Variants in USPL1 observed in about 807,000 individuals in gnomAD.
USPL1 encodes SUMO-specific isopeptidase USPL1.
In USPL1, 27 loss-of-function variants were observed where a neutral mutation model predicts 51.5. The ratio of observed to expected loss-of-function variants is 0.52; its 90% CI spans 0.39 to 0.72. USPL1 has a LOEUF of 0.72. USPL1 is among the 30% of genes least tolerant of loss of function. The pLI is 0.00. For synonymous variants in USPL1, 451 were observed against 459.6 expected, an observed-to-expected ratio of 0.98 and a Z score of 0.24; for missense variants, 1,226 against 1,268.0, an observed-to-expected ratio of 0.97 and a Z score of 0.50.
At chr13:30,655,766 A>G (rs1951154858) in intron 8 of USPL1, among the ~76,000 whole-genome samples, 1 of 152,240 alleles carries the variant, frequency 6.6e-6, no homozygotes, top group African/African-American at 2.4e-5. Context: ...TATACTCCTT[A>G]GAAAAAAATA....
chr13:30,629,351 G>A (rs991434009), intron 3 of USPL1, among the ~76,000 whole-genome samples: 3 of 152,036 alleles, frequency 2.0e-5, no homozygotes, highest in South Asian at 2.1e-4. Context: ...AGAAAATACC[G>A]TGGCAGGCGC....
chr13:30,655,547 CTG>C (rs1276113554), intron 8 of USPL1, among the ~76,000 whole-genome samples: 1 of 152,148 alleles, frequency 6.6e-6, no homozygotes, highest in East Asian at 1.9e-4. Context: ...TAAAAAGTGA[CTG>C]TGGGAGATAT....
Position 30,621,910 on chromosome 13 carries a change from T to C in USPL1, c.228+18T>C, listed in dbSNP as rs745727093. The C allele has an allele frequency of 2.9e-6, 4 of 1,398,512 alleles. No homozygotes were observed. In the Admixed American group the frequency reaches 1.1e-4, roughly 39 times the overall value. The allele number at this position is 1,398,512 out of a possible 1,614,324, so 86.6% of individuals were successfully genotyped here. A position where few individuals can be genotyped will look rare whatever the true frequency, so the allele number is the denominator to read the frequency against. ...ATCTGCAGGTAAAGTATTAATCTTA[T>C]ATAGTATATATAAGATTTTTCTTTT... On this transcript the variant is annotated intron_variant, in intron 3 of 8. Coordinates refer to ENST00000255304, the MANE Select transcript of USPL1 (RefSeq NM_005800.5).
chr13:30,646,804 T>C (rs1951023187), intron 6 of USPL1, 128 bp from the exon 7 acceptor site: 1 of 1,019,736 alleles, frequency 9.8e-7, no homozygotes, highest in Non-Finnish European at 1.4e-6. Context: ...AACATTGCCA[T>C]ATTAACATGA....
At chr13:30,641,364 G>C (rs956151293) in intron 5 of USPL1, among the ~76,000 whole-genome samples, 1 of 152,014 alleles carries the variant, frequency 6.6e-6, no homozygotes, top group South Asian at 2.1e-4. Flanking sequence ...ATGGAAGTGA[G>C]GCTCTGTCCA....
chr13:30,621,027 G>A (rs2137598318), intron 1 of USPL1, 46 bp from the exon 2 acceptor site: 1 of 813,212 alleles, frequency 1.2e-6, no homozygotes, highest in Non-Finnish European at 1.9e-6. Flanking sequence ...CTTTTTTATA[G>A]TAAATAGAAT....
chr13:30,656,762 G>A (rs942490131), intron 8 of USPL1, among the ~76,000 whole-genome samples: 2 of 151,974 alleles, frequency 1.3e-5, no homozygotes, highest in African/African-American at 4.8e-5. Context: ...CACAGCAGTT[G>A]TACTATTTTA....
At chr13:30,626,346 A>C (rs113746723) in intron 3 of USPL1, among the ~76,000 whole-genome samples, 96 of 140,926 alleles carry the variant, frequency 6.8e-4, no homozygotes, top group East Asian at 1.2e-3. Flanking sequence ...ATAAATAAAT[A>C]AATCAAAAGA....
intron 8 of USPL1, among the ~76,000 whole-genome samples, chr13:30,655,416 T>C (rs1951148543): frequency 6.6e-6 from 1 of 152,160 alleles, no homozygotes; most frequent in South Asian, 2.1e-4. Context: ...TAAGGAAAGG[T>C]CTCTTTCTCC....
chr13:30,647,637 C>T (rs939088366), intron 7 of USPL1, among the ~76,000 whole-genome samples: 1 of 152,160 alleles, frequency 6.6e-6, no homozygotes, highest in Admixed American at 6.5e-5. Flanking sequence ...AGGTCAGTTC[C>T]ATCTCAGGCC....
rs144720075 is a variant in USPL1 at position 30,659,088 on chromosome 13, C to T, written c.3011C>T (p.Pro1004Leu). 71 of 1,614,062 alleles carry T rather than the reference C, an allele frequency of 4.4e-5. No individual in the cohort carries two copies. In the African/African-American group the frequency reaches 8.9e-4, roughly 20 times the overall value. ...RYLGMGDSHIPPPVPSEFNDV... is the reference protein window; with the variant it reads ...RYLGMGDSHILPPVPSEFNDV... ...TTGGGAATGGGAGATAGTCATATCC[C>T]ACCACCAGTACCAAGTGAATTCAAT... is the stretch of plus-strand genomic sequence containing the variant. Residue 1004 changes from proline (P) to leucine (L), a missense_variant, in exon 9 of 9, where the codon CCA becomes CTA. Pro to Leu is a moderately conservative substitution (Grantham distance 98). Transcript: ENST00000255304.
chr13:30,647,849 A>T (rs552183015), intron 7 of USPL1, among the ~76,000 whole-genome samples: 16 of 152,312 alleles, frequency 1.1e-4, no homozygotes, highest in African/African-American at 3.8e-4. Context: ...GAAGTAATAA[A>T]TCCTCAGTTT....
At chr13:30,649,621 A>G (rs1191835848) in intron 7 of USPL1, among the ~76,000 whole-genome samples, 1 of 152,190 alleles carries the variant, frequency 6.6e-6, no homozygotes, top group East Asian at 1.9e-4. Context: ...TTAGAATCAG[A>G]TTTCATTTTA....
Position 30,637,830 on chromosome 13 carries a change from C to T in USPL1, c.955C>T (p.Leu319Phe). 1 of 1,613,636 alleles carries T rather than the reference C, an allele frequency of 6.2e-7. No individual in the cohort carries two copies. The highest frequency in any genetic ancestry group is 8.5e-7 in the Non-Finnish European group (1 of 1,179,790). ...NEVRDEIFIS[L>F]QPQLRCTLGD... The stretch of plus-strand genomic sequence containing the variant: ...AGTTAGAGATGAAATTTTTATTAGC[C>T]TTCAGCCCCAGCTTAGATGCACATT... Residue 319 changes from leucine to phenylalanine, a missense_variant, in exon 5 of 9, where the codon CTT (leucine) becomes TTT (phenylalanine). Coordinates refer to ENST00000255304, the MANE Select transcript of USPL1 (RefSeq NM_005800.5).
At position 30,657,717 on chromosome 13, in the gene USPL1, T is replaced by C. The variant is rs1951183887; in HGVS notation, c.1640T>C (p.Val547Ala). ...GCTGCCTCAGCTGAAACAGCCTCAG[T>C]AACTCACCCTAAAGATATATCAGTT... ...GDAASAETAS[V>A]THPKDISVAP... is the part of the protein sequence containing the mutation. Residue 547 changes from valine to alanine, a missense_variant, in exon 9 of 9, where the codon GTA becomes GCA. By Grantham distance (64) the Val-to-Ala change is moderately conservative (BLOSUM62 0). Coordinates refer to ENST00000255304, the MANE Select transcript of USPL1 (RefSeq NM_005800.5). 7 of 1,614,076 alleles carry C rather than the reference T, an allele frequency of 4.3e-6. No homozygotes were observed. The highest frequency in any genetic ancestry group is 4.2e-6 in the Non-Finnish European group (5 of 1,180,040).
Position 30,658,328 on chromosome 13 carries a change from CAGA to C in USPL1, c.2257_2259del (p.Lys753del), listed in dbSNP as rs751329809. On this transcript the variant is annotated inframe_deletion, in exon 9 of 9. Transcript: ENST00000255304. ...ACAGAATCAGTCTCTGAAAGAAAAT[CAGA>C]AGAAGCCATTTGTGGGAAGTTGGGT... 8.7e-6 allele frequency: 14 copies of C among 1,613,822 alleles called. No individual in the cohort carries two copies. The Admixed American group carries it at 1.0e-4, about 12-fold the overall frequency.
At chr13:30,641,618 T>C (rs1442331680) in intron 5 of USPL1, among the ~76,000 whole-genome samples, 1 of 152,276 alleles carries the variant, frequency 6.6e-6, no homozygotes, top group Non-Finnish European at 1.5e-5. Context: ...TACCTTACTT[T>C]CCAGTCTCAA....
chr13:30,618,970 A>G (rs1318200771), intron 1 of USPL1, among the ~76,000 whole-genome samples: 2 of 152,118 alleles, frequency 1.3e-5, no homozygotes, highest in Non-Finnish European at 2.9e-5. Flanking sequence ...GGAAAGAGGT[A>G]GAGATTTGAG....
Position 30,657,943 on chromosome 13 carries a change from C to T in USPL1, c.1866C>T (p.Thr622=), listed in dbSNP as rs1951188469. 1 of 1,613,678 alleles carries T rather than the reference C, an allele frequency of 6.2e-7. No homozygotes were observed. Among genetic ancestry groups the T allele is most frequent in the Admixed American group, 1.7e-5 (1 of 60,020 alleles). The change falls in exon 9 of 9, where the codon ACC becomes ACT. Residue 622 remains threonine (T), a synonymous_variant. Coordinates refer to ENST00000255304, the MANE Select transcript of USPL1 (RefSeq NM_005800.5). ...CAGAAAATACAGGAATTCTCAAAAC[C>T]AATACTTTGCTATCACAAGAATCAC... ...PVAENTGILK[T]NTLLSQESLM...
Sources: gnomAD v4.1 joint callset for allele counts (sites outside exome capture counted in the v4.1 genomes callset) on GRCh38, gnomAD v4.1.1 for gene constraint, MANE v1.5 for transcripts, NCBI Gene and HGNC (gene_info 2026-07-23, HGNC 2026-07-21) for gene names.